FIP1L1: variants seen among roughly 807,000 people sequenced by gnomAD.
FIP1L1 encodes the protein factor interacting with PAPOLA and CPSF1, also known as pre-mRNA 3'-end-processing factor FIP1.
A neutral mutation model predicts 84.6 loss-of-function variants in FIP1L1; 21 were observed. That is an observed-to-expected ratio of 0.25 (90% confidence interval 0.18 to 0.36). FIP1L1 has a LOEUF of 0.36. Ranked by LOEUF, FIP1L1 falls within the 10% of genes least tolerant of loss-of-function variation. The pLI is 1.00. For missense variants in FIP1L1, 526 were observed against 751.1 expected, an observed-to-expected ratio of 0.70 and a Z score of 3.50; for synonymous variants, 263 against 242.3, an observed-to-expected ratio of 1.09 and a Z score of -0.80.
chr4:53,425,295 T>C (rs969568936), intron 11 of FIP1L1, among the ~76,000 whole-genome samples: 3 of 152,120 alleles, frequency 2.0e-5, no homozygotes, highest in Non-Finnish European at 2.9e-5. Context: ...TTATAAACTT[T>C]AAAAAGATTG....
In FIP1L1 at chr4:53,379,221, G is replaced by A. The variant is rs755528845; in HGVS notation, c.131-4G>A. On this transcript the variant is annotated splice_region_variant and splice_polypyrimidine_tract_variant and intron_variant, in intron 2 of 17. Transcript: ENST00000337488. ...TTTATTTATTTGTTTATTTTACTTG[G>A]TAGATGAAAATGAAGTTGAAAGGCC... 3.1e-6 allele frequency: 5 copies of A among 1,604,268 alleles called. No individual in the cohort carries two copies. The highest frequency in any genetic ancestry group is 2.3e-5 in the South Asian group (2 of 88,304).
intron 15 of FIP1L1, among the ~76,000 whole-genome samples, chr4:53,447,275 CT>C (rs1774620127): frequency 6.6e-6 from 1 of 152,006 alleles, no homozygotes; most frequent in Non-Finnish European, 1.5e-5. Context: ...CTTCTGTTTT[CT>C]CCCACCAATA....
chr4:53,405,203 A>T (rs1386952078), intron 10 of FIP1L1, among the ~76,000 whole-genome samples: 2 of 152,222 alleles, frequency 1.3e-5, no homozygotes, highest in African/African-American at 2.4e-5. Flanking sequence ...TAAGGAAGGG[A>T]TCCAGTTTCA....
chr4:53,423,421 ACT>A (rs1435711249), intron 11 of FIP1L1, among the ~76,000 whole-genome samples: 6 of 152,142 alleles, frequency 3.9e-5, no homozygotes, highest in East Asian at 3.9e-4. Context: ...TCATAGGGAA[ACT>A]CTATTAAATC....
At chr4:53,378,014 C>T (rs1394184487) in intron 1 of FIP1L1, 91 bp downstream of exon 1, 2 of 1,159,114 alleles carry the variant, frequency 1.7e-6, no homozygotes, top group African/African-American at 1.6e-5. Context: ...CTCGCGCCGC[C>T]GCTTCGGGCC....
At chr4:53,411,749 A>G (rs1197688537) in intron 10 of FIP1L1, among the ~76,000 whole-genome samples, 6 of 152,146 alleles carry the variant, frequency 3.9e-5, no homozygotes, top group Admixed American at 2.6e-4. Context: ...TACTTTATCA[A>G]TAGAAATGCT....
chr4:53,399,738 G>C lies in FIP1L1; in HGVS notation c.714G>C (p.Gln238His), dbSNP rs1276304095. The C allele has an allele frequency of 1.2e-6, 2 of 1,610,910 alleles. No individual in the cohort carries two copies. The highest frequency in any genetic ancestry group is 2.2e-5 in the South Asian group (2 of 90,950). ...DGRFNLFKVQQGRTGNSEKET... is the reference protein window; with the variant it reads ...DGRFNLFKVQHGRTGNSEKET... ...AACCTTTTTTTTTTAAGGTACAGCA[G>C]GGAAGAACTGGAAACTCAGAGAAAG... The change falls in exon 10 of 18, where the codon CAG (glutamine) becomes CAC (histidine). Residue 238 changes from glutamine (Q) to histidine (H), a missense_variant. Transcript: ENST00000337488.
At chr4:53,395,305 G>A (rs546014629) in intron 9 of FIP1L1, among the ~76,000 whole-genome samples, 5 of 152,192 alleles carry the variant, frequency 3.3e-5, no homozygotes, top group African/African-American at 7.2e-5. Context: ...TGGGAAACAC[G>A]GGCAATTTTT....
intron 11 of FIP1L1, among the ~76,000 whole-genome samples, chr4:53,419,587 T>C (rs1363947920): frequency 6.6e-6 from 1 of 152,056 alleles, no homozygotes; most frequent in Non-Finnish European, 1.5e-5. Context: ...ACTACAGGCA[T>C]GCCCACCATG....
At chr4:53,452,649 T>A (rs1191794700) in intron 15 of FIP1L1, among the ~76,000 whole-genome samples, 2 of 152,228 alleles carry the variant, frequency 1.3e-5, no homozygotes, top group African/African-American at 4.8e-5. Flanking sequence ...TGTCCCAGTG[T>A]ATTCTGGTTT....
At chr4:53,391,235 A>ATAGCATGG in intron 8 of FIP1L1, 96 bp downstream of exon 8, 1 of 1,373,770 alleles carries the variant, frequency 7.3e-7, no homozygotes, top group South Asian at 1.4e-5. Context: ...GTTAAATGCT[A>ATAGCATGG]TATGATAGTT....
At chr4:53,395,534 G>A (rs1199052049) in intron 9 of FIP1L1, among the ~76,000 whole-genome samples, 3 of 152,170 alleles carry the variant, frequency 2.0e-5, no homozygotes, top group African/African-American at 4.8e-5. Context: ...GGCATTTATT[G>A]TGCTTAATGG....
At chr4:53,381,602 G>A (rs1328909515) in intron 3 of FIP1L1, among the ~76,000 whole-genome samples, 3 of 151,966 alleles carry the variant, frequency 2.0e-5, no homozygotes, top group Admixed American at 2.0e-4. Flanking sequence ...TTTGGTGATT[G>A]TGCTATAAAA....
rs1357434670 is a variant in FIP1L1, at chr4:53,390,864, A to C, written c.506-145A>C. The C allele has an allele frequency of 4.0e-6, 3 of 743,874 alleles. No homozygotes were observed. In the African/African-American group the frequency reaches 5.5e-5, roughly 14 times the overall value. The allele number at this position is 743,874 out of a possible 1,614,324, so 46.1% of individuals were successfully genotyped here. ...TGTAAAGGGAATAATTTGATCAAAA[A>C]TGATATAGTCTTTTTGCCACCATAA... On this transcript the variant is annotated intron_variant, in intron 7 of 17. Coordinates refer to ENST00000337488, the MANE Select transcript of FIP1L1 (RefSeq NM_030917.4).
intron 10 of FIP1L1, among the ~76,000 whole-genome samples, chr4:53,401,620 A>G (rs913217516): frequency 6.6e-6 from 1 of 152,328 alleles, no homozygotes; most frequent in Non-Finnish European, 1.5e-5. Flanking sequence ...GATTGGATGT[A>G]GATTGTAGAG....
intron 11 of FIP1L1, among the ~76,000 whole-genome samples, chr4:53,422,701 T>C (rs1204348485): frequency 6.6e-6 from 1 of 151,208 alleles, no homozygotes; most frequent in East Asian, 1.9e-4. Context: ...AGCTGAGATA[T>C]ATATATATGT....
Position 53,377,734 on chromosome 4 carries a change from T to G in FIP1L1, c.-105T>G. 2 of 1,078,480 alleles carry G rather than the reference T, an allele frequency of 1.9e-6. No individual in the cohort carries two copies. Among genetic ancestry groups the G allele is most frequent in the South Asian group, 1.8e-5 (1 of 57,112 alleles). 66.8% of individuals were successfully genotyped at this position (1,078,480 alleles called of 1,614,324 possible). A position where few individuals can be genotyped will look rare whatever the true frequency, so the allele number is the denominator to read the frequency against. ...TGGAGTCTCGAGCTTTCTTCGTTCG[T>G]TCGTCGGCGGGTTCGCGCCCTTCTC... On this transcript the variant is annotated 5_prime_UTR_variant, in exon 1 of 18. Coordinates refer to ENST00000337488, the MANE Select transcript of FIP1L1 (RefSeq NM_030917.4).
intron 9 of FIP1L1, among the ~76,000 whole-genome samples, chr4:53,397,914 C>T (rs1438274264): frequency 6.6e-6 from 1 of 152,094 alleles, no homozygotes; most frequent in African/African-American, 2.4e-5. Flanking sequence ...TTTGAGATGT[C>T]TGTTAGACAT....
At chr4:53,404,732 T>A (rs1398881272) in intron 10 of FIP1L1, among the ~76,000 whole-genome samples, 1 of 152,216 alleles carries the variant, frequency 6.6e-6, no homozygotes, top group Non-Finnish European at 1.5e-5. Flanking sequence ...TATCTCATTG[T>A]GGTTTTGATT....
Sources: gnomAD v4.1 joint callset for allele counts (sites outside exome capture counted in the v4.1 genomes callset) on GRCh38, gnomAD v4.1.1 for gene constraint, MANE v1.5 for transcripts, NCBI Gene and HGNC (gene_info 2026-07-23, HGNC 2026-07-21) for gene names.